The following CLCC1 variants were observed in gnomAD, a reference collection of about 807,000 sequenced individuals.
The protein encoded by CLCC1 is chloride channel CLIC-like protein 1.
In CLCC1, 39 loss-of-function variants were observed where a neutral mutation model predicts 63.3. The observed-to-expected ratio is 0.62, with a 90% CI of 0.48 to 0.81. The LOEUF (loss-of-function observed/expected upper bound fraction) is 0.81. Ranked by LOEUF, CLCC1 falls within the 30% of genes least tolerant of loss-of-function variation. The probability of loss-of-function intolerance (pLI) is 0.00; values close to 1 mark genes in which losing one functional copy is unlikely to be tolerated. For missense variants in CLCC1, 549 were observed against 669.4 expected, an observed-to-expected ratio of 0.82 and a Z score of 1.98; for synonymous variants, 217 against 239.8, an observed-to-expected ratio of 0.90 and a Z score of 0.88.
intron 2 of CLCC1, among the ~76,000 whole-genome samples, chr1:108,950,753 G>A (rs1393497053): frequency 6.6e-6 from 1 of 151,820 alleles, no homozygotes; most frequent in Non-Finnish European, 1.5e-5. Flanking sequence ...GGCCTCAACT[G>A]ATCCTCCCAC....
chr1:108,946,006 C>T (rs1213014569), intron 5 of CLCC1, among the ~76,000 whole-genome samples: 1 of 151,676 alleles, frequency 6.6e-6, no homozygotes, highest in African/African-American at 2.4e-5. Context: ...CTACTGAAAA[C>T]ACAAAAATAT....
intron 2 of CLCC1, among the ~76,000 whole-genome samples, chr1:108,957,928 C>T (rs906661270): frequency 6.6e-6 from 1 of 151,254 alleles, no homozygotes; most frequent in Non-Finnish European, 1.5e-5. Context: ...AGCCAACATT[C>T]GGGGATCAGA....
chr1:108,955,039 G>T (rs1655703163), intron 2 of CLCC1, among the ~76,000 whole-genome samples: 1 of 150,982 alleles, frequency 6.6e-6, no homozygotes, highest in Non-Finnish European at 1.5e-5. Flanking sequence ...CTCCATGTTG[G>T]TCAGGGATTT....
chr1:108,941,581 A>G (rs1448965856), intron 7 of CLCC1, 83 bp from the exon 8 acceptor site: 2 of 906,246 alleles, frequency 2.2e-6, no homozygotes, highest in Non-Finnish European at 1.8e-6. Context: ...TCATTCAAAG[A>G]GTGTCTTTAC....
Position 108,934,658 on chromosome 1 carries a change from G to A in CLCC1, c.*12C>T, listed in dbSNP as rs1024316618. 1.9e-6 allele frequency: 3 copies of A among 1,609,022 alleles called. No individual in the cohort carries two copies. The highest frequency in any genetic ancestry group is 2.2e-5 in the East Asian group (1 of 44,788). On this transcript the variant is annotated 3_prime_UTR_variant, in exon 12 of 13. Coordinates refer to ENST00000369969, the MANE Select transcript of CLCC1 (RefSeq NM_001377458.1). ...AAGGAGACTTGAGGCTGTCGTTTGT[G>A]CTGGTGTTCCTCTAGCCACAGGGGC...
At chr1:108,958,905 G>T (rs1460761813) in intron 2 of CLCC1, among the ~76,000 whole-genome samples, 1 of 151,078 alleles carries the variant, frequency 6.6e-6, no homozygotes, top group Non-Finnish European at 1.5e-5. Flanking sequence ...CAGGCACAGT[G>T]GCTCATGCCT....
rs1042630230 is a variant in CLCC1, at chr1:108,963,264, C to A, written c.-173+97G>T. 2.8e-5 allele frequency: 18 copies of A among 645,934 alleles called. No individual in the cohort carries two copies. In the African/African-American group the frequency reaches 2.9e-4, roughly 10 times the overall value. The allele number at this position is 645,934 out of a possible 1,614,324, so 40.0% of individuals were successfully genotyped here. A position where few individuals can be genotyped will look rare whatever the true frequency, so the allele number is the denominator to read the frequency against. Reference sequence around the variant, plus strand: ...GCCCCGGGTCGCGCCTGCGGCCTCCCCAGCGTCTGCGCCGCGAGTCCGCTG... The same window carrying A: ...GCCCCGGGTCGCGCCTGCGGCCTCCACAGCGTCTGCGCCGCGAGTCCGCTG... On this transcript the variant is annotated intron_variant, in intron 1 of 12. Coordinates refer to ENST00000369969, the MANE Select transcript of CLCC1 (RefSeq NM_001377458.1).
intron 1 of CLCC1, 116 bp from the exon 2 acceptor site, chr1:108,962,585 G>C (rs543516460): frequency 6.6e-6 from 1 of 152,242 alleles, no homozygotes; most frequent in African/African-American, 2.4e-5. Context: ...AATCAGATTT[G>C]GAGCCAGGCG....
rs1401581412 is a variant in CLCC1, at chr1:108,939,796, A to G, written c.895-14T>C. Reference sequence around the variant, plus strand: ...AACTGCAAGTGCCTAAAACGAGAGAAAAGCAACTTAATTTTCTCCTCACAG... The same window carrying G: ...AACTGCAAGTGCCTAAAACGAGAGAGAAGCAACTTAATTTTCTCCTCACAG... On this transcript the variant is annotated splice_polypyrimidine_tract_variant and intron_variant, in intron 9 of 12. Coordinates refer to ENST00000369969, the MANE Select transcript of CLCC1 (RefSeq NM_001377458.1). 1 of 1,611,480 alleles carries G rather than the reference A, an allele frequency of 6.2e-7. No individual in the cohort carries two copies.
intron 2 of CLCC1, among the ~76,000 whole-genome samples, chr1:108,961,602 G>A (rs1017475047): frequency 3.3e-5 from 5 of 152,214 alleles, no homozygotes; most frequent in African/African-American, 1.2e-4. Flanking sequence ...GCTCACGCTT[G>A]TAATCCCAGC....
intron 7 of CLCC1, 146 bp downstream of exon 7, chr1:108,943,329 G>T: frequency 1.3e-6 from 1 of 751,262 alleles, no homozygotes. Flanking sequence ...GCTAAGAAGT[G>T]TCCATTTAAT....
chr1:108,944,979 C>A (rs373555486), intron 5 of CLCC1, among the ~76,000 whole-genome samples: 2 of 152,340 alleles, frequency 1.3e-5, no homozygotes, highest in South Asian at 4.1e-4. Flanking sequence ...TTAGCAAGTA[C>A]TGAACCATTA....
chr1:108,949,793 A>T lies in CLCC1; in HGVS notation c.231+27T>A, dbSNP rs115360772. 7.5e-3 allele frequency: 8,969 copies of T among 1,199,668 alleles called. 54 individuals carry two copies. The highest frequency in any genetic ancestry group is 9.8e-3 in the Non-Finnish European group (8,305 of 851,576). 74.3% of individuals were successfully genotyped at this position (1,199,668 alleles called of 1,614,324 possible). ...GAGCGATTTAACATAATATAAAAAT[A>T]TAAAATTTATCAATAAAAAAACTAA... On this transcript the variant is annotated intron_variant, in intron 4 of 12. Coordinates refer to ENST00000369969, the MANE Select transcript of CLCC1 (RefSeq NM_001377458.1).
Position 108,950,826 on chromosome 1 carries a change from T to G in CLCC1, c.-11-378A>C, listed in dbSNP as rs1025083085. Among the ~76,000 whole-genome samples the G allele has an allele frequency of 1.3e-5, 2 of 152,146 alleles. 1 individual carries two copies. Among genetic ancestry groups the G allele is most frequent in the South Asian group, 4.1e-4 (2 of 4,830 alleles). ...CATTGCACCCAGCCAGATTGTTTTG[T>G]AATGAAAACTACTTCCTTCTAGAGT... On this transcript the variant is annotated intron_variant, in intron 2 of 12. Transcript: ENST00000369969.
chr1:108,955,870 G>C (rs1033397957), intron 2 of CLCC1, among the ~76,000 whole-genome samples: 1 of 151,592 alleles, frequency 6.6e-6, no homozygotes. Context: ...TTCAGCCTCA[G>C]ACTGAAAATT....
rs139828068 is a variant in CLCC1, at chr1:108,937,336, C to T, written c.1124G>A (p.Arg375Gln). ...GPESEPPQAL[R>Q]PRDRRRQEEI... ...CTCCTGCCGTCTTCTATCCCGTGGC[C>T]GAAGTGCCTGGGGAGGTTCGCTCTC... Residue 375 changes from arginine to glutamine, a missense_variant, in exon 11 of 13, where the codon CGG becomes CAG. Coordinates refer to ENST00000369969, the MANE Select transcript of CLCC1 (RefSeq NM_001377458.1). 2.8e-5 allele frequency: 45 copies of T among 1,614,044 alleles called. No homozygotes were observed. In the African/African-American group the frequency reaches 5.1e-4, roughly 18 times the overall value.
At chr1:108,945,631 T>C (rs754889197) in intron 5 of CLCC1, among the ~76,000 whole-genome samples, 2 of 152,246 alleles carry the variant, frequency 1.3e-5, no homozygotes, top group Non-Finnish European at 2.9e-5. Context: ...TGCATCTTCA[T>C]TTTATGATTC....
chr1:108,961,705 C>T (rs1285603304), intron 2 of CLCC1, among the ~76,000 whole-genome samples: 2 of 152,064 alleles, frequency 1.3e-5, no homozygotes, highest in East Asian at 1.9e-4. Context: ...ACTAAAAATA[C>T]AAAAGTAGCA....
chr1:108,957,646 C>T (rs1178614168), intron 2 of CLCC1, among the ~76,000 whole-genome samples: 3 of 151,392 alleles, frequency 2.0e-5, no homozygotes, highest in Admixed American at 6.6e-5. Flanking sequence ...AGATTTGGGA[C>T]GATTTCTATG....
Sources: allele counts gnomAD v4.1 joint callset (sites outside exome capture counted in the v4.1 genomes callset), GRCh38; gene constraint gnomAD v4.1.1; transcripts MANE v1.5; gene names NCBI Gene and HGNC (gene_info 2026-07-23, HGNC 2026-07-21).